PRPSAP2: variants seen among roughly 807,000 people sequenced by gnomAD.
PRPSAP2 encodes phosphoribosyl pyrophosphate synthase-associated protein 2.
PRPSAP2 carries 24 observed loss-of-function variants against 40.6 expected under a neutral mutation model. The observed-to-expected ratio is 0.59, with a 90% CI of 0.43 to 0.83. The LOEUF (loss-of-function observed/expected upper bound fraction) is 0.83, where lower values mean the gene tolerates loss of function less well. Among genes scored for constraint, PRPSAP2 ranks in the 40% least tolerant of loss-of-function variants. The probability of loss-of-function intolerance (pLI) is 0.00; values close to 1 mark genes in which losing one functional copy is unlikely to be tolerated. For missense variants in PRPSAP2, 292 were observed against 465.6 expected (o/e 0.63, Z 3.43); for synonymous variants, 149 against 164.7 (o/e 0.90, Z 0.73).
At chr17:18,900,206 G>C (rs2040182754) in intron 8 of PRPSAP2, among the ~76,000 whole-genome samples, 1 of 152,062 alleles carries the variant, frequency 6.6e-6, no homozygotes, top group South Asian at 2.1e-4. Context: ...ATTTTTAGTA[G>C]AGACGGGGTT....
At chr17:18,930,423 C>T in intron 11 of PRPSAP2, 117 bp from the exon 12 acceptor site, 1 of 852,922 alleles carries the variant, frequency 1.2e-6, no homozygotes, top group Non-Finnish European at 1.8e-6. Flanking sequence ...AGACATAGAT[C>T]CACTGTGTTT....
chr17:18,920,458 T>TAGTG (rs1296501343), intron 9 of PRPSAP2, among the ~76,000 whole-genome samples: 2 of 152,204 alleles, frequency 1.3e-5, no homozygotes, highest in Admixed American at 1.3e-4. Flanking sequence ...TTGACTCAAG[T>TAGTG]AGTGATCACT....
chr17:18,886,240 A>T (rs182607654), intron 7 of PRPSAP2, among the ~76,000 whole-genome samples: 7 of 152,192 alleles, frequency 4.6e-5, no homozygotes, highest in Non-Finnish European at 7.4e-5. Flanking sequence ...GCAGGTTTTG[A>T]TGCTGACGCT....
intron 6 of PRPSAP2, among the ~76,000 whole-genome samples, chr17:18,878,708 C>T (rs1355574327): frequency 1.3e-5 from 2 of 152,144 alleles, no homozygotes; most frequent in African/African-American, 4.8e-5. Context: ...CAGGCATGCG[C>T]CACCACGCCC....
At chr17:18,872,519 T>C (rs2037966699) in intron 4 of PRPSAP2, 64 bp from the exon 5 acceptor site, 4 of 1,234,558 alleles carry the variant, frequency 3.2e-6, no homozygotes, top group Non-Finnish European at 3.5e-6. Context: ...ACAGATTTTT[T>C]TGTGTATTTT....
At chr17:18,894,314 C>T (rs1236341904) in intron 8 of PRPSAP2, among the ~76,000 whole-genome samples, 1 of 151,794 alleles carries the variant, frequency 6.6e-6, no homozygotes, top group Non-Finnish European at 1.5e-5. Flanking sequence ...CATGCGCCAC[C>T]ACGCCTATCT....
rs370750160 is a variant in PRPSAP2 at position 18,877,006 on chromosome 17, C to T, written c.240-692C>T. ...GAAATTAGATGAGAAGCCCAAAGGA[C>T]GAGAGGGAACAGAAAGAGAGGACAC... On this transcript the variant is annotated intron_variant, in intron 5 of 11. Coordinates refer to ENST00000268835, the MANE Select transcript of PRPSAP2 (RefSeq NM_002767.4). Among the ~76,000 whole-genome samples, 124 of 151,920 alleles carry T rather than the reference C, an allele frequency of 8.2e-4. 2 individuals carry two copies. In the South Asian group the frequency reaches 0.022, roughly 27 times the overall value.
chr17:18,897,181 C>T (rs1281499187), intron 8 of PRPSAP2, among the ~76,000 whole-genome samples: 2 of 151,788 alleles, frequency 1.3e-5, no homozygotes, highest in Admixed American at 6.6e-5. Context: ...TGGTCTCCAA[C>T]TCGTGGCCTC....
At chr17:18,897,991 CTTTTTTTTTTTTT>C (rs71155370) in intron 8 of PRPSAP2, among the ~76,000 whole-genome samples, 101 of 116,332 alleles carry the variant, frequency 8.7e-4, no homozygotes, top group Non-Finnish European at 1.1e-3. Flanking sequence ...AGAATTTTTG[CTTTTTTTTTTTTT>C]TTTTTTTTTT....
chr17:18,877,823 G>T lies in PRPSAP2; in HGVS notation c.365G>T (p.Arg122Ile). The T allele has an allele frequency of 6.2e-7, 1 of 1,613,690 alleles. No homozygotes were observed. The highest frequency in any genetic ancestry group is 8.5e-7 in the Non-Finnish European group (1 of 1,179,800). Residue 122 changes from arginine (R) to isoleucine (I), a missense_variant, in exon 6 of 12, where the codon AGA becomes ATA. Around this residue, in one of 2 missense-constraint regions of PRPSAP2, gnomAD observed 241 missense variants for 425.7 expected, o/e 0.57. Coordinates refer to ENST00000268835, the MANE Select transcript of PRPSAP2 (RefSeq NM_002767.4). ...PYSKQCKMRK[R>I]GSIVSKLLAS... ...AGCAAGCAGTGCAAGATGAGAAAAA[G>T]AGGCTCCATTGTCTCTAAATTGCTG...
At chr17:18,864,367 C>T (rs983382909) in intron 1 of PRPSAP2, among the ~76,000 whole-genome samples, 2 of 151,560 alleles carry the variant, frequency 1.3e-5, no homozygotes, top group Admixed American at 6.6e-5. Flanking sequence ...AATCTTGGCT[C>T]ACTGCAACCT....
intron 5 of PRPSAP2, among the ~76,000 whole-genome samples, chr17:18,874,546 CA>C (rs1364410721): frequency 1.3e-5 from 2 of 152,182 alleles, no homozygotes. Context: ...AGAGGAGTGG[CA>C]GGGGAGACCT....
rs58391876 is a variant in PRPSAP2, at chr17:18,896,580, C to CTTTT, written c.584+6720_584+6723dup. 9.9e-4 allele frequency among the ~76,000 whole-genome samples: 104 copies of CTTTT among 104,756 alleles called. 1 individual carries two copies. The highest frequency in any genetic ancestry group is 1.4e-3 in the African/African-American group (38 of 26,846). 68.7% of individuals were successfully genotyped at this position (104,756 alleles called of 152,430 possible). ...TGGCCATCTCATTCCCCAGATTTTC[C>CTTTT]TTTTTTTTTTTTTTTTTTTTGTCTA... On this transcript the variant is annotated intron_variant, in intron 8 of 11. Transcript: ENST00000268835.
chr17:18,911,662 A>G lies in PRPSAP2; in HGVS notation c.733+411A>G, dbSNP rs113462326. Among the ~76,000 whole-genome samples the G allele has an allele frequency of 6.6e-6, 1 of 152,232 alleles. No homozygotes were observed. Among genetic ancestry groups the G allele is most frequent in the South Asian group, 2.1e-4 (1 of 4,828 alleles). ...CAGAGTGTAGGGCTTGGTAAATTATACTGTGTCAGTACAGCTAATTATGCA... is the reference window on the plus strand; with the variant it reads ...CAGAGTGTAGGGCTTGGTAAATTATGCTGTGTCAGTACAGCTAATTATGCA... On this transcript the variant is annotated intron_variant, in intron 9 of 11. Transcript: ENST00000268835. This position sits in a 1 kb window ranked among gnomAD's most constrained non-coding sequence, Gnocchi z 4.5.
intron 4 of PRPSAP2, among the ~76,000 whole-genome samples, chr17:18,868,939 C>T (rs184055945): frequency 6.6e-5 from 10 of 152,172 alleles, no homozygotes; most frequent in Admixed American, 6.6e-4. Context: ...TTGCTGTTCC[C>T]ATGTTTATCT....
chr17:18,862,324 G>A (rs893810119), intron 1 of PRPSAP2, among the ~76,000 whole-genome samples: 4 of 152,148 alleles, frequency 2.6e-5, no homozygotes, highest in African/African-American at 9.7e-5. Flanking sequence ...AAAGATTTAG[G>A]AGGGATGGGC....
intron 3 of PRPSAP2, 105 bp downstream of exon 3, chr17:18,866,057 A>G: frequency 1.3e-6 from 1 of 769,178 alleles, no homozygotes; most frequent in Non-Finnish European, 1.7e-6. Context: ...ATATTTTATA[A>G]TTATAAAATA....
intron 3 of PRPSAP2, among the ~76,000 whole-genome samples, chr17:18,867,074 A>G (rs2037485169): frequency 6.6e-6 from 1 of 152,096 alleles, no homozygotes; most frequent in African/African-American, 2.4e-5. Flanking sequence ...GCAGAGCGGG[A>G]CTGCATAGTC....
At chr17:18,872,051 G>T (rs956353547) in intron 4 of PRPSAP2, among the ~76,000 whole-genome samples, 7 of 152,054 alleles carry the variant, frequency 4.6e-5, no homozygotes, top group Non-Finnish European at 7.4e-5. Flanking sequence ...CAGGCAGATC[G>T]CGAGGTCAGG....
Sources: gnomAD v4.1 joint callset for allele counts (sites outside exome capture counted in the v4.1 genomes callset) on GRCh38, gnomAD v4.1.1 for gene constraint, gnomAD v4.1.1 regional missense constraint, Gnocchi (gnomAD v3.1) non-coding constraint, MANE v1.5 for transcripts, NCBI Gene and HGNC (gene_info 2026-07-23, HGNC 2026-07-21) for gene names.